The following PDE4D variants were observed in gnomAD, a reference collection of about 807,000 sequenced individuals.
PDE4D encodes phosphodiesterase 4D.
Under a neutral mutation model 87.4 loss-of-function variants are expected in PDE4D, and 24 were observed. That is an observed-to-expected ratio of 0.27 (90% CI 0.20 to 0.39). The LOEUF (loss-of-function observed/expected upper bound fraction) is 0.39, where lower values mean the gene tolerates loss of function less well. PDE4D is among the 10% of genes least tolerant of loss of function. PDE4D has a pLI of 1.00. For missense variants in PDE4D, 714 were observed against 1,041.0 expected (o/e 0.69, Z 4.32); for synonymous variants, 384 against 383.2 (o/e 1.00, Z -0.02).
chr5:59,254,889 T>C (rs766502850), intron 1 of PDE4D, among the ~76,000 whole-genome samples: 1 of 152,164 alleles, frequency 6.6e-6, no homozygotes, highest in Non-Finnish European at 1.5e-5. Flanking sequence ...ACTGGGAACA[T>C]TGTGCCTTAA....
At position 59,837,636 on chromosome 5, in the gene PDE4D, A is replaced by G. The variant is rs1009590787; in HGVS notation, c.455+55532T>C. Among the ~76,000 whole-genome samples, 7 of 152,064 alleles carry G rather than the reference A, an allele frequency of 4.6e-5. No individual in the cohort carries two copies. In the East Asian group the frequency reaches 1.4e-3, roughly 29 times the overall value. Reference sequence around the variant, plus strand: ...CACGTATTATTTGCTTTCAATCAACACCAAGACAACTGAGTGTTTAACATA... The same window carrying G: ...CACGTATTATTTGCTTTCAATCAACGCCAAGACAACTGAGTGTTTAACATA... On this transcript the variant is annotated intron_variant, in intron 1 of 14. Transcript: ENST00000340635.
At chr5:59,898,547 T>A (rs922985388), upstream of PDE4D, among the ~76,000 whole-genome samples, 1 of 152,150 alleles carries the variant, frequency 6.6e-6, no homozygotes, top group African/African-American at 2.4e-5. Context: ...ACATTGAAAT[T>A]AGCTATTTTC....
intron 1 of PDE4D, among the ~76,000 whole-genome samples, chr5:59,596,598 A>G (rs1027304037): frequency 6.6e-6 from 1 of 151,984 alleles, no homozygotes; most frequent in African/African-American, 2.4e-5. Flanking sequence ...TTATCTTGAC[A>G]TTGACTTTGT....
At chr5:59,016,390 C>CTTTTTT (rs35622981) in intron 6 of PDE4D, among the ~76,000 whole-genome samples, 217 of 78,474 alleles carry the variant, frequency 2.8e-3, no homozygotes, top group East Asian at 4.0e-3. Flanking sequence ...TCAGTCTGTT[C>CTTTTTT]TTTTTTTTTT....
chr5:60,503,416 C>G (rs973885115), intron 1 of PDE4D, among the ~76,000 whole-genome samples: 1 of 152,076 alleles, frequency 6.6e-6, no homozygotes. Context: ...AGTAAGTTCT[C>G]CCTCAATTTC....
At chr5:59,220,377 C>CAAA (rs57610513) in intron 1 of PDE4D, among the ~76,000 whole-genome samples, 133 of 36,138 alleles carry the variant, frequency 3.7e-3, no homozygotes, top group African/African-American at 4.4e-3. Context: ...GACTCTGTCT[C>CAAA]AAAAAAAAAA....
At chr5:60,360,955 C>G (rs574868662) in intron 1 of PDE4D, among the ~76,000 whole-genome samples, 2 of 152,318 alleles carry the variant, frequency 1.3e-5, no homozygotes, top group African/African-American at 4.8e-5. Flanking sequence ...ACTATCAAAT[C>G]CTAGTCAACT....
intron 2 of PDE4D, among the ~76,000 whole-genome samples, chr5:60,168,109 C>G (rs1295533049): frequency 6.6e-6 from 1 of 152,036 alleles, no homozygotes. Context: ...GGTACAAAGC[C>G]CTGAGATATA....
chr5:59,887,983 G>A (rs1750411364), intron 1 of PDE4D, among the ~76,000 whole-genome samples: 1 of 152,220 alleles, frequency 6.6e-6, no homozygotes. Context: ...ATAGTTTGTA[G>A]TTATAGTTTG....
At chr5:60,204,240 A>G (rs1742251452) in intron 1 of PDE4D, among the ~76,000 whole-genome samples, 1 of 151,782 alleles carries the variant, frequency 6.6e-6, no homozygotes, top group African/African-American at 2.4e-5. Flanking sequence ...CATCTATCTA[A>G]TCTATATCTC....
chr5:59,384,139 C>T (rs1008816911), intron 1 of PDE4D, among the ~76,000 whole-genome samples: 2 of 152,146 alleles, frequency 1.3e-5, no homozygotes, highest in African/African-American at 4.8e-5. Context: ...CTCCTGGACT[C>T]GAGCAATCCT....
At chr5:59,730,049 C>A (rs1279467124) in intron 1 of PDE4D, among the ~76,000 whole-genome samples, 1 of 152,070 alleles carries the variant, frequency 6.6e-6, no homozygotes, top group Non-Finnish European at 1.5e-5. Context: ...AGGCACTCAA[C>A]AGACTATGGA....
chr5:60,456,179 T>A (rs1213594846), intron 1 of PDE4D, among the ~76,000 whole-genome samples: 1 of 152,180 alleles, frequency 6.6e-6, no homozygotes, highest in Non-Finnish European at 1.5e-5. Flanking sequence ...CATCTTGGGA[T>A]CACTTAGGTA....
intron 1 of PDE4D, among the ~76,000 whole-genome samples, chr5:59,594,974 T>C (rs759503267): frequency 1.3e-5 from 2 of 152,104 alleles, no homozygotes; most frequent in Admixed American, 1.3e-4. Flanking sequence ...TATGCATGTG[T>C]GGGGGTTGGA....
intron 1 of PDE4D, among the ~76,000 whole-genome samples, chr5:59,439,174 C>T (rs916416062): frequency 3.3e-5 from 5 of 152,042 alleles, no homozygotes. Context: ...GCTTGACCAC[C>T]ATGGTGAAAC....
chr5:59,318,949 C>G (rs1202313167), intron 1 of PDE4D, among the ~76,000 whole-genome samples: 1 of 151,944 alleles, frequency 6.6e-6, no homozygotes, highest in African/African-American at 2.4e-5. Flanking sequence ...AAGACCATAG[C>G]CCTTCTGTTC....
At chr5:59,802,648 C>A (rs1403266532) in intron 1 of PDE4D, among the ~76,000 whole-genome samples, 1 of 152,092 alleles carries the variant, frequency 6.6e-6, no homozygotes, top group Non-Finnish European at 1.5e-5. Flanking sequence ...CTGCCTGCCT[C>A]GGCCTCCCAA....
chr5:59,565,702 C>G (rs538823993), intron 1 of PDE4D, among the ~76,000 whole-genome samples: 64 of 152,310 alleles, frequency 4.2e-4, no homozygotes, highest in African/African-American at 1.5e-3. Context: ...GGCAAAGCAA[C>G]TGGGCAAGGA....
chr5:59,755,970 T>C (rs1224387307), intron 1 of PDE4D, among the ~76,000 whole-genome samples: 1 of 151,292 alleles, frequency 6.6e-6, no homozygotes, highest in Non-Finnish European at 1.5e-5. Context: ...TGGGGAAAAA[T>C]TGGTCTCAAA....
Sources: allele counts gnomAD v4.1 joint callset (sites outside exome capture counted in the v4.1 genomes callset), GRCh38; gene constraint gnomAD v4.1.1; transcripts MANE v1.5; gene names NCBI Gene and HGNC (gene_info 2026-07-23, HGNC 2026-07-21).